The following NIPSNAP3B variants were observed in gnomAD, a reference collection of about 807,000 sequenced individuals.
NIPSNAP3B encodes protein NipSnap homolog 3B.
NIPSNAP3B carries 30 observed loss-of-function variants against 31.5 expected under a neutral mutation model. That is an observed-to-expected ratio of 0.95 (90% confidence interval 0.71 to 1.29). The LOEUF (loss-of-function observed/expected upper bound fraction) is 1.29, where lower values mean the gene tolerates loss of function less well. NIPSNAP3B is among the 50% of genes most tolerant of loss of function. The pLI is 0.00. For missense variants in NIPSNAP3B, 269 were observed against 300.7 expected, an observed-to-expected ratio of 0.89 and a Z score of 0.78; for synonymous variants, 106 against 107.9, an observed-to-expected ratio of 0.98 and a Z score of 0.11.
Position 104,776,658 on chromosome 9 carries a change from A to G in NIPSNAP3B, c.*3585A>G, listed in dbSNP as rs561375472. ...CCACCCTGTCTATGGTACTCTTGTT[A>G]CAGCAACCTGAACTAAGACACTATC... On this transcript the variant is annotated 3_prime_UTR_variant, in exon 6 of 6. Transcript: ENST00000374762. Among the ~76,000 whole-genome samples, 26 of 152,276 alleles carry G rather than the reference A, an allele frequency of 1.7e-4. 1 individual carries two copies. The highest frequency in any genetic ancestry group is 1.7e-3 in the South Asian group (8 of 4,814).
intron 1 of NIPSNAP3B, among the ~76,000 whole-genome samples, chr9:104,765,606 A>G (rs370786797): frequency 1.8e-4 from 27 of 152,342 alleles, no homozygotes; most frequent in African/African-American, 6.5e-4. Flanking sequence ...TGAGTGCACT[A>G]AATGTACATA....
chr9:104,774,502 T>C lies in NIPSNAP3B; in HGVS notation c.*1429T>C, dbSNP rs1042311291. 1.3e-5 allele frequency among the ~76,000 whole-genome samples: 2 copies of C among 152,212 alleles called. No homozygotes were observed. Among genetic ancestry groups the C allele is most frequent in the Non-Finnish European group, 2.9e-5 (2 of 68,044 alleles). ...TAAAATTAAAAGTTAACTAAAATAC[T>C]ACAGAAGACATTTAATATTTTGCTT... On this transcript the variant is annotated 3_prime_UTR_variant, in exon 6 of 6. Transcript: ENST00000374762.
intron 1 of NIPSNAP3B, among the ~76,000 whole-genome samples, chr9:104,765,920 AT>A (rs1297225872): frequency 6.6e-6 from 1 of 152,198 alleles, no homozygotes; most frequent in Non-Finnish European, 1.5e-5. Context: ...TACTTAATAA[AT>A]TTTTTTCAAT....
At chr9:104,787,375 C>T in the NIPSNAP3B span, among the ~76,000 whole-genome samples, 1 of 151,646 alleles carries the variant, frequency 6.6e-6, no homozygotes, top group Non-Finnish European at 1.5e-5. Context: ...CCAGCTCACT[C>T]AGATTACCCT....
In NIPSNAP3B at chr9:104,774,854, T is replaced by G. The variant is rs944630078; in HGVS notation, c.*1781T>G. On this transcript the variant is annotated 3_prime_UTR_variant, in exon 6 of 6. Coordinates refer to ENST00000374762, the MANE Select transcript of NIPSNAP3B (RefSeq NM_018376.4). ...TTGTATTTTTCTCTATTTTATTCAT[T>G]CTTTCATTCTCTTCGATGACTCCCA... Among the ~76,000 whole-genome samples, 1 of 152,190 alleles carries G rather than the reference T, an allele frequency of 6.6e-6. No individual in the cohort carries two copies. Among genetic ancestry groups the G allele is most frequent in the African/African-American group, 2.4e-5 (1 of 41,440 alleles).
At position 104,766,479 on chromosome 9, in the gene NIPSNAP3B, T is replaced by C. The variant is rs1828093740; in HGVS notation, c.215T>C (p.Phe72Ser). The C allele has an allele frequency of 6.2e-7, 1 of 1,613,840 alleles. No individual in the cohort carries two copies. Among genetic ancestry groups the C allele is most frequent in the Non-Finnish European group, 8.5e-7 (1 of 1,179,766 alleles). ...ACCTCTTACTCTGAATTGGTTGGAT[T>C]CTGGAGTGTAGAATTTGGAGGCAGA... ...LRTSYSELVG[F>S]WSVEFGGRTN... The change falls in exon 2 of 6, where the codon TTC becomes TCC. Residue 72 changes from phenylalanine (F) to serine (S), a missense_variant. Phe to Ser is a radical substitution (Grantham distance 155). Transcript: ENST00000374762.
rs563666569 is a variant in NIPSNAP3B at position 104,774,977 on chromosome 9, T to A, written c.*1904T>A. On this transcript the variant is annotated 3_prime_UTR_variant, in exon 6 of 6. Coordinates refer to ENST00000374762, the MANE Select transcript of NIPSNAP3B (RefSeq NM_018376.4). ...AGAGTCTTCATAAGTTCCCACCCCG[T>A]CTGCCCGCTTTCTACAGCCAACCCC... is the stretch of plus-strand genomic sequence containing the variant. Among the ~76,000 whole-genome samples the A allele has an allele frequency of 2.0e-5, 3 of 152,012 alleles. No individual in the cohort carries two copies. Among genetic ancestry groups the A allele is most frequent in the African/African-American group, 7.3e-5 (3 of 41,378 alleles).
chr9:104,788,379 G>A, the NIPSNAP3B span: 1 of 1,613,374 alleles, frequency 6.2e-7, no homozygotes, highest in Admixed American at 1.7e-5. Flanking sequence ...GGTATATATT[G>A]TCAGGATGCC....
rs1041261676 is a variant in NIPSNAP3B at position 104,775,849 on chromosome 9, A to G, written c.*2776A>G. Among the ~76,000 whole-genome samples, 3 of 152,098 alleles carry G rather than the reference A, an allele frequency of 2.0e-5. No individual in the cohort carries two copies. Among genetic ancestry groups the G allele is most frequent in the African/African-American group, 7.2e-5 (3 of 41,430 alleles). ...ACTGCCTTTTCTCTCATACACCATT[A>G]TGTACCTGTCAGCAGGTCCCAAATA... On this transcript the variant is annotated 3_prime_UTR_variant, in exon 6 of 6. Coordinates refer to ENST00000374762, the MANE Select transcript of NIPSNAP3B (RefSeq NM_018376.4).
chr9:104,783,967 G>T, the NIPSNAP3B span: 3 of 207,094 alleles, frequency 1.4e-5, no homozygotes, highest in Non-Finnish European at 1.9e-5. Context: ...AATTATTGTT[G>T]CAACCCCAAT....
chr9:104,765,762 T>A (rs1297700561), intron 1 of NIPSNAP3B, among the ~76,000 whole-genome samples: 1 of 152,228 alleles, frequency 6.6e-6, no homozygotes, highest in Admixed American at 6.5e-5. Flanking sequence ...ATTAGTTACA[T>A]TCCAGTCCTG....
At chr9:104,781,778 C>T (rs999916021), downstream of NIPSNAP3B, 60 of 152,486 alleles carry the variant, frequency 3.9e-4, no homozygotes, top group African/African-American at 1.4e-3. Flanking sequence ...TTTTTGAACA[C>T]GTATTTTGAG....
chr9:104,780,495 ACTT>A (rs377675122), downstream of NIPSNAP3B, among the ~76,000 whole-genome samples: 2 of 152,232 alleles, frequency 1.3e-5, no homozygotes, highest in African/African-American at 4.8e-5. Context: ...TCTGCACAGC[ACTT>A]ATTACAGGAA....
At chr9:104,788,037 A>C in the NIPSNAP3B span, 2 of 1,614,178 alleles carry the variant, frequency 1.2e-6, no homozygotes, top group Non-Finnish European at 1.7e-6. Context: ...CCAGTTTCCG[A>C]ATCGCCCACT....
chr9:104,786,473 G>C, the NIPSNAP3B span: 9 of 1,190,366 alleles, frequency 7.6e-6, no homozygotes, highest in South Asian at 3.6e-5. Context: ...CAGCATTCCA[G>C]CTTCCTAGGG....
downstream of NIPSNAP3B, chr9:104,782,171 A>G (rs1828584001): frequency 6.6e-6 from 1 of 152,146 alleles, no homozygotes; most frequent in Non-Finnish European, 1.5e-5. Flanking sequence ...AAAATATTAA[A>G]TGAGGAGAAA....
chr9:104,770,851 G>A lies in NIPSNAP3B; in HGVS notation c.433G>A (p.Val145Ile). Residue 145 changes from valine (V) to isoleucine (I), a missense_variant and splice_region_variant, in exon 4 of 6, where the codon GTC (valine) becomes ATC (isoleucine). By Grantham distance (29) the Val-to-Ile change is conservative (BLOSUM62 3). Coordinates refer to ENST00000374762, the MANE Select transcript of NIPSNAP3B (RefSeq NM_018376.4). ...AATTATTTTTCTCCCTATTCTAGGAGTCTATGAACTAGCTGTTTTTCAGAT... is the reference window on the plus strand; with the variant it reads ...AATTATTTTTCTCCCTATTCTAGGAATCTATGAACTAGCTGTTTTTCAGAT... ...SKLEKPPKEG[V>I]YELAVFQMKP... 2 of 1,613,392 alleles carry A rather than the reference G, an allele frequency of 1.2e-6. No homozygotes were observed. Among genetic ancestry groups the A allele is most frequent in the South Asian group, 1.1e-5 (1 of 91,042 alleles).
In NIPSNAP3B at chr9:104,764,353, G is replaced by A. The variant is rs1828045065; in HGVS notation, c.60+53G>A. ...CCTGGCCGGAGGGGAGGGGAGGGGCGGGGGGTATTTCTGAAGCGTGCGAGC... is the reference window on the plus strand; with the variant it reads ...CCTGGCCGGAGGGGAGGGGAGGGGCAGGGGGTATTTCTGAAGCGTGCGAGC... On this transcript the variant is annotated intron_variant, in intron 1 of 5. Coordinates refer to ENST00000374762, the MANE Select transcript of NIPSNAP3B (RefSeq NM_018376.4). 9 of 1,447,890 alleles carry A rather than the reference G, an allele frequency of 6.2e-6. 1 individual carries two copies. Among genetic ancestry groups the A allele is most frequent in the Non-Finnish European group, 8.4e-6 (9 of 1,069,432 alleles). The allele number at this position is 1,447,890 out of a possible 1,614,324, so 89.7% of individuals were successfully genotyped here.
At chr9:104,778,267 G>A (rs909941417), downstream of NIPSNAP3B, among the ~76,000 whole-genome samples, 1 of 151,962 alleles carries the variant, frequency 6.6e-6, no homozygotes, top group Middle Eastern at 3.4e-3. Flanking sequence ...TTTCGCTCTT[G>A]TTGCCCAGGC....
Sources: gnomAD v4.1 joint callset for allele counts (sites outside exome capture counted in the v4.1 genomes callset) on GRCh38, gnomAD v4.1.1 for gene constraint, MANE v1.5 for transcripts, NCBI Gene and HGNC (gene_info 2026-07-23, HGNC 2026-07-21) for gene names.